NDUFS2: variants seen among roughly 807,000 people sequenced by gnomAD.
The protein encoded by NDUFS2 is NADH dehydrogenase [ubiquinone] iron-sulfur protein 2, mitochondrial.
In NDUFS2, 38 loss-of-function variants were observed where a neutral mutation model predicts 69.6. That is an observed-to-expected ratio of 0.55 (90% CI 0.42 to 0.72). The LOEUF (loss-of-function observed/expected upper bound fraction) is 0.72. Ranked by LOEUF, NDUFS2 falls within the 30% of genes least tolerant of loss-of-function variation. The pLI, the probability that NDUFS2 is intolerant of heterozygous loss-of-function variation, is 0.00. For missense variants in NDUFS2, 468 were observed against 595.0 expected, an observed-to-expected ratio of 0.79 and a Z score of 2.22; for synonymous variants, 194 against 211.2, an observed-to-expected ratio of 0.92 and a Z score of 0.70.
chr1:161,212,072 G>T (rs1374629035), intron 9 of NDUFS2, among the ~76,000 whole-genome samples: 1 of 151,916 alleles, frequency 6.6e-6, no homozygotes, highest in Non-Finnish European at 1.5e-5. Flanking sequence ...GGATGTGGTG[G>T]TGCACGCCTG....
At chr1:161,202,078 G>A (rs1448362010), upstream of NDUFS2, 5 of 471,686 alleles carry the variant, frequency 1.1e-5, no homozygotes, top group African/African-American at 3.9e-5. Flanking sequence ...ATACGCAGGC[G>A]GGCTCGGCGA....
upstream of NDUFS2, among the ~76,000 whole-genome samples, chr1:161,197,696 G>C (rs1308833814): frequency 6.6e-6 from 1 of 152,032 alleles, no homozygotes; most frequent in Non-Finnish European, 1.5e-5. Context: ...GCTGGGGACT[G>C]TGTCAGTAGG....
upstream of NDUFS2, chr1:161,198,563 G>C: frequency 6.4e-7 from 1 of 1,558,932 alleles, no homozygotes; most frequent in Non-Finnish European, 8.7e-7. The surrounding 1 kb of genome is among the most constrained non-coding windows in gnomAD (Gnocchi z 4.7). Flanking sequence ...CAGGAGGCAG[G>C]GTTGGGCTCC....
rs566515153 is a variant in NDUFS2 at position 161,205,784 on chromosome 1, G to T, written c.203-623G>T. Among the ~76,000 whole-genome samples the T allele has an allele frequency of 1.1e-4, 17 of 151,924 alleles. No homozygotes were observed. In the South Asian group the frequency reaches 3.3e-3, roughly 30 times the overall value. Reference sequence around the variant, plus strand: ...TCTGTCTCAAAAAAAAAAAAAAAAGGTAATCTTCTTGAGGGTAAAAGTTCA... The same window carrying T: ...TCTGTCTCAAAAAAAAAAAAAAAAGTTAATCTTCTTGAGGGTAAAAGTTCA... On this transcript the variant is annotated intron_variant, in intron 2 of 13. Coordinates refer to ENST00000676972, the MANE Select transcript of NDUFS2 (RefSeq NM_001377299.1).
In NDUFS2 at chr1:161,213,735, A is replaced by G; in HGVS notation, c.1296+3A>G. The G allele has an allele frequency of 6.2e-7, 1 of 1,614,202 alleles. No homozygotes were observed. Among genetic ancestry groups the G allele is most frequent in the Non-Finnish European group, 8.5e-7 (1 of 1,180,014 alleles). On this transcript the variant is annotated splice_donor_region_variant and intron_variant, in intron 12 of 13. Coordinates refer to ENST00000676972, the MANE Select transcript of NDUFS2 (RefSeq NM_001377299.1). ...AGGCTCCTGGTTTTGCCCATCTGGT[A>G]AGAATCAATCCCAGTAACTATAACT...
chr1:161,198,312 C>G (rs150003159), upstream of NDUFS2: 7 of 1,613,368 alleles, frequency 4.3e-6, no homozygotes, highest in Non-Finnish European at 5.9e-6. This position sits in a 1 kb window ranked among gnomAD's most constrained non-coding sequence, Gnocchi z 4.7. Flanking sequence ...ACTGTCAGCC[C>G]CTCGACCTGC....
chr1:161,202,487 T>C lies in NDUFS2; in HGVS notation c.95+7T>C. The C allele has an allele frequency of 6.2e-7, 1 of 1,608,310 alleles. No homozygotes were observed. The highest frequency in any genetic ancestry group is 1.3e-5 in the African/African-American group (1 of 74,960). On this transcript the variant is annotated splice_region_variant and intron_variant, in intron 1 of 13. Transcript: ENST00000676972. Reference sequence around the variant, plus strand: ...TGCCGATTCAGCCCAGCAGGTGAGATCGAGGGCAGCTCTCGACACACTTTC... The same window carrying C: ...TGCCGATTCAGCCCAGCAGGTGAGACCGAGGGCAGCTCTCGACACACTTTC...
intron 5 of NDUFS2, 25 bp from the exon 6 acceptor site, chr1:161,209,832 C>T (rs2102046708): frequency 2.5e-6 from 4 of 1,611,932 alleles, no homozygotes; most frequent in Middle Eastern, 3.3e-4. Context: ...GACTTTGACA[C>T]TAATTCCCAG....
chr1:161,210,540 CCTTA>C, intron 8 of NDUFS2, 47 bp from the exon 9 acceptor site: 1 of 1,613,302 alleles, frequency 6.2e-7, no homozygotes, highest in Non-Finnish European at 8.5e-7. Flanking sequence ...GAAGGAGCCT[CCTTA>C]CTTAGTTTGT....
upstream of NDUFS2, chr1:161,198,331 G>A: frequency 1.2e-6 from 2 of 1,613,300 alleles, no homozygotes; most frequent in Non-Finnish European, 1.7e-6. The surrounding 1 kb of genome is among the most constrained non-coding windows in gnomAD (Gnocchi z 4.7). Flanking sequence ...GCACACCGGA[G>A]TCCTGCTCCA....
rs10629771 is a variant in NDUFS2, at chr1:161,214,269, C to CTGTGTGTGTGTGTGTG, written c.*92_*107dup. 417 of 896,542 alleles carry CTGTGTGTGTGTGTGTG rather than the reference C, an allele frequency of 4.7e-4. 1 individual carries two copies. The African/African-American group carries it at 6.5e-3, about 14-fold the overall frequency. The allele number at this position is 896,542 out of a possible 1,614,324, so 55.5% of individuals were successfully genotyped here. A position where few individuals can be genotyped will look rare whatever the true frequency, so the allele number is the denominator to read the frequency against. On this transcript the variant is annotated 3_prime_UTR_variant, in exon 14 of 14. Transcript: ENST00000676972. ...CCTGTTCCTCACTGGAAATTGGCCT[C>CTGTGTGTGTGTGTGTG]TGTGTGTGTGTGTGTGTGTGTGTGT...
intron 9 of NDUFS2, among the ~76,000 whole-genome samples, chr1:161,211,785 T>C (rs1665781624): frequency 6.6e-6 from 1 of 152,238 alleles, no homozygotes; most frequent in Non-Finnish European, 1.5e-5. Flanking sequence ...GCTGTTATTT[T>C]TGTTTGTCCA....
In NDUFS2 at chr1:161,214,297, G is replaced by GTA. The variant is rs1177430580; in HGVS notation, c.*105_*106insAT. On this transcript the variant is annotated 3_prime_UTR_variant, in exon 14 of 14. Transcript: ENST00000676972. ...TGTGTGTGTGTGTGTGTGTGTGTGT[G>GTA]TGTATGTTCATGTACACTTGGCTGT... 5.5e-6 allele frequency: 6 copies of GTA among 1,090,454 alleles called. No homozygotes were observed. The highest frequency in any genetic ancestry group is 1.5e-5 in the African/African-American group (1 of 64,572). 67.5% of individuals were successfully genotyped at this position (1,090,454 alleles called of 1,614,324 possible). A position where few individuals can be genotyped will look rare whatever the true frequency, so the allele number is the denominator to read the frequency against.
rs1665466029 is a variant in NDUFS2, at chr1:161,206,441, C to G, written c.237C>G (p.Asn79Lys). The G allele has an allele frequency of 6.2e-7, 1 of 1,614,136 alleles. No individual in the cohort carries two copies. Among genetic ancestry groups the G allele is most frequent in the African/African-American group, 1.3e-5 (1 of 74,952 alleles). Reference sequence around the variant, plus strand: ...CTCCAAAGGACACAATTGTGAAGAACATTACCCTGAACTTTGGGCCCCAAC... The same window carrying G: ...CTCCAAAGGACACAATTGTGAAGAAGATTACCCTGAACTTTGGGCCCCAAC... ...VDPPKDTIVKNITLNFGPQHP... is the reference protein window; with the variant it reads ...VDPPKDTIVKKITLNFGPQHP... Residue 79 changes from asparagine to lysine, a missense_variant, in exon 3 of 14, where the codon AAC becomes AAG. Asn to Lys is a moderately conservative substitution (Grantham distance 94, BLOSUM62 0). Transcript: ENST00000676972.
At chr1:161,208,094 C>T (rs985153918) in intron 3 of NDUFS2, among the ~76,000 whole-genome samples, 3 of 149,826 alleles carry the variant, frequency 2.0e-5, no homozygotes, top group Non-Finnish European at 2.9e-5. Context: ...AAGCGAGTCT[C>T]GTTCCTCAGC....
At chr1:161,198,548 G>T, upstream of NDUFS2, 1 of 1,563,832 alleles carries the variant, frequency 6.4e-7, no homozygotes, top group East Asian at 2.4e-5. The surrounding 1 kb of genome is among the most constrained non-coding windows in gnomAD (Gnocchi z 4.7). Flanking sequence ...CGGCACAATG[G>T]GGAGCAGGAG....
At chr1:161,212,061 C>T (rs369790779) in intron 9 of NDUFS2, among the ~76,000 whole-genome samples, 5 of 151,564 alleles carry the variant, frequency 3.3e-5, no homozygotes, top group Admixed American at 1.3e-4. Flanking sequence ...AAAAAATATT[C>T]GGATGTGGTG....
At chr1:161,211,533 C>G (rs1447279581) in intron 9 of NDUFS2, among the ~76,000 whole-genome samples, 1 of 152,070 alleles carries the variant, frequency 6.6e-6, no homozygotes, top group Non-Finnish European at 1.5e-5. Flanking sequence ...GCCTGTAAGT[C>G]CAGCTACTTG....
upstream of NDUFS2, chr1:161,198,657 A>G: frequency 6.8e-7 from 1 of 1,466,974 alleles, no homozygotes. This position sits in a 1 kb window ranked among gnomAD's most constrained non-coding sequence, Gnocchi z 4.7. Flanking sequence ...GGAGGGACTG[A>G]GGCCGTCTAG....
Sources: allele counts gnomAD v4.1 joint callset (sites outside exome capture counted in the v4.1 genomes callset), GRCh38; gene constraint gnomAD v4.1.1; non-coding constraint Gnocchi (gnomAD v3.1); transcripts MANE v1.5; gene names NCBI Gene and HGNC (gene_info 2026-07-23, HGNC 2026-07-21).